The following ERI1 variants were observed in gnomAD, a reference collection of about 807,000 sequenced individuals.
ERI1 encodes the protein 3'-5' exoribonuclease 1.
Under a neutral mutation model 39.7 loss-of-function variants are expected in ERI1, and 39 were observed. That is an observed-to-expected ratio of 0.98 (90% CI 0.76 to 1.28). The LOEUF (loss-of-function observed/expected upper bound fraction) is 1.28, where lower values mean the gene tolerates loss of function less well. Among genes scored for constraint, ERI1 ranks in the 50% most tolerant of loss-of-function variants. ERI1 has a pLI of 0.00. For synonymous variants in ERI1, 204 were observed against 149.6 expected (o/e 1.36, Z -2.65); for missense variants, 581 against 416.9 (o/e 1.39, Z -3.43).
chr8:9,047,993 C>T (rs925583034), intron 3 of ERI1, among the ~76,000 whole-genome samples: 3 of 152,198 alleles, frequency 2.0e-5, no homozygotes, highest in Non-Finnish European at 4.4e-5. Context: ...AAATGAAAGT[C>T]AACTCTCTTG....
chr8:9,026,929 G>C (rs1478524336), intron 6 of ERI1, among the ~76,000 whole-genome samples: 3 of 151,990 alleles, frequency 2.0e-5, no homozygotes, highest in African/African-American at 7.3e-5. Context: ...ATCATGAATA[G>C]TGCTGTTATG....
chr8:9,021,560 G>A (rs559905760), intron 6 of ERI1, among the ~76,000 whole-genome samples: 146 of 152,154 alleles, frequency 9.6e-4, no homozygotes, highest in Non-Finnish European at 1.3e-3. Context: ...GAGTTTTGCC[G>A]ATTGCTATAA....
chr8:9,046,862 G>A (rs912518498), intron 3 of ERI1, among the ~76,000 whole-genome samples: 2 of 152,190 alleles, frequency 1.3e-5, no homozygotes, highest in Non-Finnish European at 2.9e-5. Flanking sequence ...AATACAATCA[G>A]TTTTGTGGCA....
intron 2 of ERI1, 25 bp downstream of exon 2, chr8:9,008,173 T>C: frequency 6.6e-7 from 1 of 1,506,804 alleles, no homozygotes; most frequent in Non-Finnish European, 8.9e-7. Flanking sequence ...CTTATAAAAT[T>C]ATAAAAGTAG....
rs184556640 is a variant in ERI1 at position 9,063,538 on chromosome 8, G to T, written n.299+43074G>T. The stretch of plus-strand genomic sequence containing the variant: ...GGCCTGGCAAGGAGGGGAGAGGTCA[G>T]ATGGGTCTGTAGAAAAGGAAGATTA... On this transcript the variant is annotated intron_variant and non_coding_transcript_variant, in intron 3 of 3. Transcript: ENST00000518663. Among the ~76,000 whole-genome samples the T allele has an allele frequency of 8.2e-3, 1,247 of 152,238 alleles. 17 individuals carry two copies. Among genetic ancestry groups the T allele is most frequent in the African/African-American group, 0.029 (1,212 of 41,540 alleles).
intron 3 of ERI1, among the ~76,000 whole-genome samples, chr8:9,047,920 C>T (rs1380114458): frequency 1.3e-5 from 2 of 152,230 alleles, no homozygotes; most frequent in East Asian, 1.9e-4. Context: ...GATGCCTTGG[C>T]TTGATCTCTT....
In ERI1 at chr8:9,011,611, G is replaced by A. The variant is rs750086453; in HGVS notation, c.357G>A (p.Glu119=). Residue 119 remains glutamate (E), a synonymous_variant, in exon 3 of 7, where the codon GAG becomes GAA. Transcript: ENST00000250263. ...YYKKQKLMLK[E]SNFADSYYDY... is the part of the protein sequence containing the mutation. The stretch of plus-strand genomic sequence containing the variant: ...AGAAGCAGAAGCTGATGCTGAAAGA[G>A]AGCAATTTTGCTGACAGTTATTATG... 2.0e-5 allele frequency: 33 copies of A among 1,613,526 alleles called. No homozygotes were observed. The highest frequency in any genetic ancestry group is 2.5e-5 in the Non-Finnish European group (30 of 1,179,638).
downstream of ERI1, among the ~76,000 whole-genome samples, chr8:9,038,125 A>C (rs1797909230): frequency 6.6e-6 from 1 of 152,230 alleles, no homozygotes; most frequent in African/African-American, 2.4e-5. Flanking sequence ...TTATATAATC[A>C]GTGGAGTCTC....
intron 6 of ERI1, among the ~76,000 whole-genome samples, chr8:9,024,194 C>G (rs1818225532): frequency 6.6e-6 from 1 of 152,160 alleles, no homozygotes; most frequent in South Asian, 2.1e-4. Flanking sequence ...AACTGTAATA[C>G]ATTTCTGTGA....
At chr8:9,023,643 T>A (rs894308266) in intron 6 of ERI1, among the ~76,000 whole-genome samples, 53 of 152,220 alleles carry the variant, frequency 3.5e-4, no homozygotes, top group African/African-American at 1.2e-3. Context: ...ATTAGTTGTA[T>A]AAGTAGAAGA....
At chr8:9,051,708 G>T (rs1798362278) in intron 3 of ERI1, among the ~76,000 whole-genome samples, 1 of 151,314 alleles carries the variant, frequency 6.6e-6, no homozygotes, top group African/African-American at 2.4e-5. Flanking sequence ...TCTTGGTCCT[G>T]CCTAGAACCA....
intron 3 of ERI1, among the ~76,000 whole-genome samples, chr8:9,060,087 G>A (rs1469160757): frequency 3.3e-5 from 5 of 152,178 alleles, no homozygotes; most frequent in Non-Finnish European, 7.3e-5. Flanking sequence ...GTCTTTAAAA[G>A]ACCATTAGTC....
chr8:9,027,682 A>G (rs1797279365), intron 6 of ERI1, among the ~76,000 whole-genome samples: 1 of 152,168 alleles, frequency 6.6e-6, no homozygotes, highest in African/African-American at 2.4e-5. Flanking sequence ...GTCCAACTTC[A>G]TTCTTTTGCA....
At chr8:9,064,558 A>T (rs1341605258) in intron 3 of ERI1, among the ~76,000 whole-genome samples, 2 of 152,170 alleles carry the variant, frequency 1.3e-5, no homozygotes, top group Non-Finnish European at 2.9e-5. Flanking sequence ...GAAGTGAGAG[A>T]TTGAAGGGTG....
intron 3 of ERI1, among the ~76,000 whole-genome samples, chr8:9,069,978 C>T (rs1349784746): frequency 2.0e-5 from 3 of 151,928 alleles, no homozygotes; most frequent in South Asian, 2.1e-4. Context: ...GTGGCTCATA[C>T]CTGTAATCCC....
At chr8:9,006,325 T>C (rs182719819) in intron 1 of ERI1, among the ~76,000 whole-genome samples, 14 of 152,324 alleles carry the variant, frequency 9.2e-5, no homozygotes, top group Admixed American at 6.5e-4. Flanking sequence ...TTTTTCTTTA[T>C]GGAAGTCATA....
chr8:9,041,755 A>AC (rs1159472487), intron 3 of ERI1, among the ~76,000 whole-genome samples: 4 of 152,212 alleles, frequency 2.6e-5, no homozygotes, highest in African/African-American at 9.7e-5. Flanking sequence ...TTCTTTTTAG[A>AC]CAGAGTTTCG....
intron 1 of ERI1, 99 bp downstream of exon 1, chr8:9,003,270 G>A (rs942590548): frequency 8.5e-6 from 6 of 709,704 alleles, no homozygotes; most frequent in Non-Finnish European, 9.8e-6. Context: ...AGAAGGTGCA[G>A]CTGTGCGCCC....
intron 3 of ERI1, among the ~76,000 whole-genome samples, chr8:9,065,765 C>G (rs1798853911): frequency 6.7e-6 from 1 of 148,638 alleles, no homozygotes; most frequent in Non-Finnish European, 1.5e-5. Context: ...CTAAAAAATA[C>G]TAACAAATCT....
Sources: allele counts gnomAD v4.1 joint callset (sites outside exome capture counted in the v4.1 genomes callset), GRCh38; gene constraint gnomAD v4.1.1; transcripts MANE v1.5; gene names NCBI Gene and HGNC (gene_info 2026-07-23, HGNC 2026-07-21).